Variants in GSK3B observed in about 807,000 individuals in gnomAD.
GSK3B encodes the protein glycogen synthase kinase-3 beta.
A neutral mutation model predicts 56.4 loss-of-function variants in GSK3B; 15 were observed. The ratio of observed to expected loss-of-function variants is 0.27; its 90% CI spans 0.18 to 0.41. The LOEUF (loss-of-function observed/expected upper bound fraction) is 0.41. Ranked by LOEUF, GSK3B falls within the 10% of genes least tolerant of loss-of-function variation. The pLI, the probability that GSK3B is intolerant of heterozygous loss-of-function variation, is 1.00. For synonymous variants in GSK3B, 181 were observed against 188.9 expected, an observed-to-expected ratio of 0.96 and a Z score of 0.34; for missense variants, 300 against 513.4, an observed-to-expected ratio of 0.58 and a Z score of 4.02.
chr3:119,930,147 A>AT (rs1200126814), intron 3 of GSK3B, among the ~76,000 whole-genome samples: 1 of 151,632 alleles, frequency 6.6e-6, no homozygotes, highest in Non-Finnish European at 1.5e-5. Context: ...ACACACATTT[A>AT]TTTAATTTTA....
intron 1 of GSK3B, among the ~76,000 whole-genome samples, chr3:120,037,652 CTTTT>C (rs72383335): frequency 6.8e-6 from 1 of 146,392 alleles, no homozygotes; most frequent in Non-Finnish European, 1.5e-5. Flanking sequence ...CACTACAGCT[CTTTT>C]TTTTTTTACC....
chr3:120,028,148 T>C (rs1177720000), intron 1 of GSK3B, among the ~76,000 whole-genome samples: 2 of 152,184 alleles, frequency 1.3e-5, no homozygotes, highest in East Asian at 3.8e-4. Context: ...AGAAAATAAC[T>C]TGGCTAGAGC....
At chr3:120,037,507 A>G (rs966602701) in intron 1 of GSK3B, among the ~76,000 whole-genome samples, 1 of 152,208 alleles carries the variant, frequency 6.6e-6, no homozygotes, top group Non-Finnish European at 1.5e-5. Context: ...AATCCTAAAT[A>G]TATTAAGCAA....
At chr3:119,851,637 A>T (rs566833435) in intron 9 of GSK3B, among the ~76,000 whole-genome samples, 1 of 152,218 alleles carries the variant, frequency 6.6e-6, no homozygotes, top group Non-Finnish European at 1.5e-5. Flanking sequence ...ATTATATAAA[A>T]GGGAATCTTC....
At chr3:120,070,240 CA>C (rs11341740) in intron 1 of GSK3B, among the ~76,000 whole-genome samples, 75,290 of 130,950 alleles carry the variant, frequency 0.57, 22,307 homozygotes, top group African/African-American at 0.85. Context: ...AAACAAAAAA[CA>C]AAAAAAAAAA....
chr3:120,074,702 T>C (rs1444405181), intron 1 of GSK3B, among the ~76,000 whole-genome samples: 2 of 151,994 alleles, frequency 1.3e-5, no homozygotes, highest in East Asian at 1.9e-4. Context: ...CCTGCCAAGG[T>C]TGAATCAGAA....
At chr3:119,868,287 C>T (rs992890060) in intron 8 of GSK3B, among the ~76,000 whole-genome samples, 1 of 152,012 alleles carries the variant, frequency 6.6e-6, no homozygotes, top group African/African-American at 2.4e-5. Context: ...CAAATACTAG[C>T]CCATAGAAGA....
chr3:119,847,945 TCTAGACA>T (rs574152383), intron 9 of GSK3B, among the ~76,000 whole-genome samples: 170 of 152,344 alleles, frequency 1.1e-3, no homozygotes, highest in Non-Finnish European at 6.0e-4. Context: ...ATAAGACTTA[TCTAGACA>T]CTAGTGGAAA....
At position 119,824,562 on chromosome 3, in the gene GSK3B, T is replaced by A; in HGVS notation, c.*2226A>T. 1 of 210,898 alleles carries A rather than the reference T, an allele frequency of 4.7e-6. No homozygotes were observed. 13.1% of individuals were successfully genotyped at this position (210,898 alleles called of 1,614,324 possible). On this transcript the variant is annotated 3_prime_UTR_variant, in exon 11 of 11. Transcript: ENST00000264235. ...TCCATTTCTCTATCACAGACCTGCC[T>A]TTTCAGATTCTTTATAAATTCTGTC...
At chr3:119,954,234 G>A (rs1374658268) in intron 2 of GSK3B, among the ~76,000 whole-genome samples, 4 of 56,760 alleles carry the variant, frequency 7.0e-5, no homozygotes, top group Admixed American at 2.0e-4. Flanking sequence ...GAATAGAATA[G>A]AATAGAATAG....
At chr3:120,060,465 C>T (rs577092222) in intron 1 of GSK3B, among the ~76,000 whole-genome samples, 1 of 152,194 alleles carries the variant, frequency 6.6e-6, no homozygotes, top group East Asian at 1.9e-4. Flanking sequence ...CAGTGGCTCA[C>T]CCCTGTAATC....
At chr3:119,971,202 T>C (rs574645752) in intron 2 of GSK3B, among the ~76,000 whole-genome samples, 11 of 152,338 alleles carry the variant, frequency 7.2e-5, no homozygotes, top group East Asian at 3.9e-4. Context: ...GTTTTACTTA[T>C]AGTTTCTCCC....
At chr3:119,924,242 G>GAGC (rs2056870096) in intron 3 of GSK3B, among the ~76,000 whole-genome samples, 1 of 152,246 alleles carries the variant, frequency 6.6e-6, no homozygotes, top group Admixed American at 6.5e-5. Context: ...TAGGAAGGAA[G>GAGC]AGCAGGGCAC....
intron 1 of GSK3B, among the ~76,000 whole-genome samples, chr3:120,074,083 T>A (rs1294826893): frequency 6.6e-6 from 1 of 152,062 alleles, no homozygotes; most frequent in Admixed American, 6.6e-5. Context: ...GGTGGATAGA[T>A]CACTTGAGTC....
intron 8 of GSK3B, among the ~76,000 whole-genome samples, chr3:119,864,599 G>T (rs1319358059): frequency 6.6e-6 from 1 of 152,210 alleles, no homozygotes; most frequent in Non-Finnish European, 1.5e-5. Context: ...ACTTATAAAT[G>T]GAGGGAAACG....
intron 1 of GSK3B, among the ~76,000 whole-genome samples, chr3:120,068,988 A>T (rs947075020): frequency 6.6e-6 from 1 of 152,172 alleles, no homozygotes; most frequent in African/African-American, 2.4e-5. Context: ...ATCCAAATTC[A>T]GAACCCACAG....
At chr3:119,963,831 T>C (rs1244975896) in intron 2 of GSK3B, among the ~76,000 whole-genome samples, 2 of 152,082 alleles carry the variant, frequency 1.3e-5, no homozygotes, top group East Asian at 1.9e-4. Context: ...AAGAATGAAA[T>C]TGGAACCTTA....
chr3:119,957,263 A>T (rs767331093), intron 2 of GSK3B, among the ~76,000 whole-genome samples: 4 of 152,238 alleles, frequency 2.6e-5, no homozygotes, highest in Non-Finnish European at 5.9e-5. Context: ...GGTAGGCTTA[A>T]CATGTTCTGT....
rs183316684 is a variant in GSK3B, at chr3:120,074,445, G to A, written c.88+18902C>T. Among the ~76,000 whole-genome samples the A allele has an allele frequency of 2.4e-4, 36 of 150,164 alleles. No individual in the cohort carries two copies. The East Asian group carries it at 6.9e-3, about 29-fold the overall frequency. Reference sequence around the variant, plus strand: ...TGGCTTACTGCAACTTCCACCTCCCGGGTTCAAGCGATTCTCCTGCCTCAG... The same window carrying A: ...TGGCTTACTGCAACTTCCACCTCCCAGGTTCAAGCGATTCTCCTGCCTCAG... On this transcript the variant is annotated intron_variant, in intron 1 of 10. Coordinates refer to ENST00000264235, the MANE Select transcript of GSK3B (RefSeq NM_001146156.2).
Sources: allele counts gnomAD v4.1 joint callset (sites outside exome capture counted in the v4.1 genomes callset), GRCh38; gene constraint gnomAD v4.1.1; transcripts MANE v1.5; gene names NCBI Gene and HGNC (gene_info 2026-07-23, HGNC 2026-07-21).